Variants in DIP2B observed in about 807,000 individuals in gnomAD.
DIP2B encodes the protein DIP2 acetate--CoA ligase B (putative), also known as disco-interacting protein 2 homolog B.
Under a neutral mutation model 198.0 loss-of-function variants are expected in DIP2B, and 76 were observed. The ratio of observed to expected loss-of-function variants is 0.38; its 90% CI spans 0.32 to 0.46. The LOEUF is 0.46. DIP2B is among the 20% of genes least tolerant of loss of function. DIP2B has a pLI of 0.99. For missense variants in DIP2B, 1,559 were observed against 1,978.4 expected, an observed-to-expected ratio of 0.79 and a Z score of 4.02; for synonymous variants, 701 against 739.1, an observed-to-expected ratio of 0.95 and a Z score of 0.84.
chr12:50,535,651 G>C (rs1958257734), intron 1 of DIP2B, among the ~76,000 whole-genome samples: 1 of 151,758 alleles, frequency 6.6e-6, no homozygotes, highest in Non-Finnish European at 1.5e-5. Context: ...GATTACAGAT[G>C]TGAACCACCA....
intron 7 of DIP2B, among the ~76,000 whole-genome samples, chr12:50,677,373 G>A (rs1042609611): frequency 6.6e-6 from 1 of 152,136 alleles, no homozygotes; most frequent in Non-Finnish European, 1.5e-5. Context: ...TGTAATCCCA[G>A]CACTCTGGGA....
At position 50,554,011 on chromosome 12, in the gene DIP2B, A is replaced by G. The variant is rs1008347560; in HGVS notation, c.100+48771A>G. On this transcript the variant is annotated intron_variant, in intron 1 of 37. Coordinates refer to ENST00000301180, the MANE Select transcript of DIP2B (RefSeq NM_173602.3). ...TTTTATTTAATAGAATTTTATTTCT[A>G]TTAAAGTTTTACACACACGTATTTG... is the stretch of plus-strand genomic sequence containing the variant. 2.6e-5 allele frequency among the ~76,000 whole-genome samples: 4 copies of G among 152,024 alleles called. 1 individual carries two copies. In the South Asian group the frequency reaches 6.2e-4, roughly 24 times the overall value.
chr12:50,599,578 T>C (rs898411268), intron 1 of DIP2B, among the ~76,000 whole-genome samples: 10 of 152,146 alleles, frequency 6.6e-5, no homozygotes, highest in Admixed American at 5.9e-4. Context: ...ATTGCGCCAT[T>C]GCACTCCAGC....
At chr12:50,607,643 T>G (rs1958995164) in intron 1 of DIP2B, among the ~76,000 whole-genome samples, 1 of 152,184 alleles carries the variant, frequency 6.6e-6, no homozygotes, top group Admixed American at 6.6e-5. Flanking sequence ...CTCTGAAGTG[T>G]AATAGAATAT....
intron 1 of DIP2B, among the ~76,000 whole-genome samples, chr12:50,548,166 G>A (rs938215058): frequency 6.6e-6 from 1 of 152,032 alleles, no homozygotes; most frequent in Non-Finnish European, 1.5e-5. Flanking sequence ...GGGTTTAGAG[G>A]GGTTAGAGTA....
At chr12:50,613,186 G>A (rs1445926060) in intron 1 of DIP2B, among the ~76,000 whole-genome samples, 1 of 152,192 alleles carries the variant, frequency 6.6e-6, no homozygotes, top group Non-Finnish European at 1.5e-5. Flanking sequence ...ACAGTGTTGT[G>A]TCCTTGTGCA....
intron 1 of DIP2B, among the ~76,000 whole-genome samples, chr12:50,605,441 G>A (rs542367088): frequency 1.1e-4 from 17 of 152,198 alleles, no homozygotes; most frequent in Admixed American, 5.2e-4. Context: ...GTGTGTGTCC[G>A]TAGTCCCGCT....
chr12:50,664,730 T>G (rs1376229283), intron 4 of DIP2B, among the ~76,000 whole-genome samples: 1 of 151,764 alleles, frequency 6.6e-6, no homozygotes, highest in Non-Finnish European at 1.5e-5. Flanking sequence ...CTATTTCAAC[T>G]AGCTTAAATT....
chr12:50,677,930 T>G (rs1432795089), intron 7 of DIP2B, among the ~76,000 whole-genome samples: 1 of 151,708 alleles, frequency 6.6e-6, no homozygotes, highest in Non-Finnish European at 1.5e-5. Context: ...AAAGAAGTCC[T>G]TAGGATGCTC....
At chr12:50,659,413 A>AT (rs932813114) in intron 3 of DIP2B, among the ~76,000 whole-genome samples, 39 of 150,946 alleles carry the variant, frequency 2.6e-4, no homozygotes, top group Admixed American at 8.6e-4. Flanking sequence ...AAAGGAAACT[A>AT]TTTTTTTTGT....
At chr12:50,641,679 C>T (rs979344365) in intron 3 of DIP2B, among the ~76,000 whole-genome samples, 1 of 152,142 alleles carries the variant, frequency 6.6e-6, no homozygotes. Flanking sequence ...TGCATGGCAG[C>T]GGGAGCATGC....
intron 1 of DIP2B, among the ~76,000 whole-genome samples, chr12:50,539,115 G>A (rs1218275009): frequency 6.6e-6 from 1 of 152,040 alleles, no homozygotes; most frequent in African/African-American, 2.4e-5. Context: ...TGAATACTTC[G>A]GAAGCTTTTA....
chr12:50,555,477 G>A lies in DIP2B; in HGVS notation c.100+50237G>A, dbSNP rs1338554929. Among the ~76,000 whole-genome samples, 3 of 151,936 alleles carry A rather than the reference G, an allele frequency of 2.0e-5. No homozygotes were observed. In the East Asian group the frequency reaches 5.8e-4, roughly 29 times the overall value. ...GCTGCTATCACTTTGGTTCTTTTTT[G>A]TCCTTATGGTTAATGCTTATGTTTT... On this transcript the variant is annotated intron_variant, in intron 1 of 37. Transcript: ENST00000301180.
In DIP2B at chr12:50,741,438, G is replaced by T. The variant is rs761219161; in HGVS notation, c.4377G>T (p.Val1459=). ...CAGAGCGTCATGATGCATTGTATGT[G>T]GTGGGAGCGCTGGATGAAACACTGG... The part of the protein sequence containing the change: ...ATGERHDALY[V]VGALDETLEL... Residue 1459 remains valine (V), a synonymous_variant, in exon 37 of 38, where the codon GTG becomes GTT. Transcript: ENST00000301180. 1 of 1,613,992 alleles carries T rather than the reference G, an allele frequency of 6.2e-7. No individual in the cohort carries two copies. Among genetic ancestry groups the T allele is most frequent in the Non-Finnish European group, 8.5e-7 (1 of 1,179,990 alleles).
Position 50,743,915 on chromosome 12 carries a change from G to A in DIP2B, c.4479-672G>A, listed in dbSNP as rs556055645. Among the ~76,000 whole-genome samples the A allele has an allele frequency of 1.2e-4, 18 of 152,220 alleles. 1 individual carries two copies. The South Asian group carries it at 3.3e-3, about 28-fold the overall frequency. ...ATGGGCATTCCCTTCTTTCTTTTTCGCCTCCCTGAAGAGGGATTCTCTCTG... is the reference window on the plus strand; with the variant it reads ...ATGGGCATTCCCTTCTTTCTTTTTCACCTCCCTGAAGAGGGATTCTCTCTG... On this transcript the variant is annotated intron_variant, in intron 37 of 37. Transcript: ENST00000301180.
intron 1 of DIP2B, among the ~76,000 whole-genome samples, chr12:50,505,815 C>G (rs1305214727): frequency 6.6e-6 from 1 of 151,944 alleles, no homozygotes; most frequent in Non-Finnish European, 1.5e-5. Context: ...GGCATTAACC[C>G]AGAGAGACAC....
chr12:50,659,658 C>A (rs533169225), intron 3 of DIP2B, among the ~76,000 whole-genome samples: 17 of 152,210 alleles, frequency 1.1e-4, no homozygotes, highest in African/African-American at 3.1e-4. Flanking sequence ...AAGTGGCAAA[C>A]AATTAACATC....
At chr12:50,539,785 T>C (rs1958303942) in intron 1 of DIP2B, among the ~76,000 whole-genome samples, 1 of 152,130 alleles carries the variant, frequency 6.6e-6, no homozygotes, top group Non-Finnish European at 1.5e-5. Flanking sequence ...ATCCTGAATT[T>C]TGTTAATTCT....
intron 3 of DIP2B, among the ~76,000 whole-genome samples, chr12:50,644,805 T>C (rs1236504493): frequency 2.6e-5 from 4 of 152,234 alleles, no homozygotes; most frequent in Non-Finnish European, 5.9e-5. Context: ...CTTCTAAAGC[T>C]TTCTTAATGT....
Sources: gnomAD v4.1 joint callset for allele counts (sites outside exome capture counted in the v4.1 genomes callset) on GRCh38, gnomAD v4.1.1 for gene constraint, MANE v1.5 for transcripts, NCBI Gene and HGNC (gene_info 2026-07-23, HGNC 2026-07-21) for gene names.